Variants in SLC9A9 observed in about 807,000 individuals in gnomAD.
SLC9A9 encodes sodium/hydrogen exchanger 9.
SLC9A9 carries 62 observed loss-of-function variants against 77.8 expected under a neutral mutation model. That is an observed-to-expected ratio of 0.80 (90% CI 0.65 to 0.98). SLC9A9 has a LOEUF of 0.98. Among genes scored for constraint, SLC9A9 ranks in the 50% least tolerant of loss-of-function variants. SLC9A9 has a pLI of 0.00. For synonymous variants in SLC9A9, 320 were observed against 283.5 expected (o/e 1.13, Z -1.29); for missense variants, 775 against 774.9 (o/e 1.00, Z 0.00).
intron 6 of SLC9A9, among the ~76,000 whole-genome samples, chr3:143,617,388 C>T (rs1159706360): frequency 6.6e-6 from 1 of 152,166 alleles, no homozygotes. Flanking sequence ...AAATATTTAC[C>T]ATCTAGCCAT....
chr3:143,815,489 C>T (rs1378837688), intron 2 of SLC9A9, among the ~76,000 whole-genome samples: 3 of 151,984 alleles, frequency 2.0e-5, no homozygotes, highest in Non-Finnish European at 2.9e-5. Context: ...CTGTTTGACA[C>T]ACTGTGAAGC....
At chr3:143,472,532 A>G (rs1348431201) in intron 11 of SLC9A9, among the ~76,000 whole-genome samples, 1 of 152,158 alleles carries the variant, frequency 6.6e-6, no homozygotes, top group Non-Finnish European at 1.5e-5. Context: ...CAAATGAGAC[A>G]CTGTTTTCTC....
At chr3:143,557,510 A>G (rs1340813746) in intron 8 of SLC9A9, among the ~76,000 whole-genome samples, 1 of 152,196 alleles carries the variant, frequency 6.6e-6, no homozygotes, top group East Asian at 1.9e-4. Flanking sequence ...AGAACTTCCT[A>G]GAGACTTCAG....
At chr3:143,502,857 A>C (rs1047478474) in intron 9 of SLC9A9, among the ~76,000 whole-genome samples, 7 of 152,134 alleles carry the variant, frequency 4.6e-5, no homozygotes, top group African/African-American at 1.7e-4. Flanking sequence ...TTACTTGTAA[A>C]ATTTGTCTTT....
At chr3:143,832,692 C>T (rs2009467309) in intron 1 of SLC9A9, among the ~76,000 whole-genome samples, 1 of 150,542 alleles carries the variant, frequency 6.6e-6, no homozygotes, top group Non-Finnish European at 1.5e-5. Flanking sequence ...TCTCTCAGGA[C>T]ATGACTAAGG....
At chr3:143,705,803 T>C (rs942684868) in intron 4 of SLC9A9, among the ~76,000 whole-genome samples, 5 of 152,062 alleles carry the variant, frequency 3.3e-5, no homozygotes, top group Non-Finnish European at 5.9e-5. Flanking sequence ...GATTTAGAAA[T>C]GTTGAGATGA....
At chr3:143,387,138 G>T (rs974988794) in intron 12 of SLC9A9, among the ~76,000 whole-genome samples, 1 of 152,134 alleles carries the variant, frequency 6.6e-6, no homozygotes, top group African/African-American at 2.4e-5. Context: ...ACTGTGCCTC[G>T]CCTGGTTTGG....
chr3:143,622,327 GT>G (rs1366710105), intron 6 of SLC9A9, among the ~76,000 whole-genome samples: 8 of 152,294 alleles, frequency 5.3e-5, no homozygotes, highest in African/African-American at 1.9e-4. Flanking sequence ...ATTCACCAAA[GT>G]TGAAATGAAG....
At chr3:143,738,343 C>T (rs1934995099) in intron 4 of SLC9A9, among the ~76,000 whole-genome samples, 1 of 152,168 alleles carries the variant, frequency 6.6e-6, no homozygotes, top group Non-Finnish European at 1.5e-5. Flanking sequence ...TTCCCTCACT[C>T]TCTGGGACAC....
intron 9 of SLC9A9, among the ~76,000 whole-genome samples, chr3:143,499,210 G>A (rs1272793803): frequency 6.6e-6 from 1 of 152,006 alleles, no homozygotes; most frequent in African/African-American, 2.4e-5. Context: ...TTACCTATTG[G>A]CATTTTAGTT....
At chr3:143,355,719 G>A (rs568950184) in intron 14 of SLC9A9, among the ~76,000 whole-genome samples, 21 of 152,182 alleles carry the variant, frequency 1.4e-4, no homozygotes, top group Non-Finnish European at 2.6e-4. Context: ...CAGGTGCATC[G>A]CAAGTGCCCA....
At chr3:143,339,912 T>C (rs1015084187) in intron 14 of SLC9A9, among the ~76,000 whole-genome samples, 1 of 152,190 alleles carries the variant, frequency 6.6e-6, no homozygotes, top group Non-Finnish European at 1.5e-5. Context: ...TGGGGTGTGC[T>C]ATGTACAATT....
At chr3:143,293,626 G>C (rs1253216756) in intron 14 of SLC9A9, among the ~76,000 whole-genome samples, 2 of 152,188 alleles carry the variant, frequency 1.3e-5, no homozygotes, top group East Asian at 1.9e-4. Context: ...ACTTTCTGTT[G>C]AATATGATCT....
intron 6 of SLC9A9, among the ~76,000 whole-genome samples, chr3:143,642,489 A>T (rs1174733978): frequency 6.6e-6 from 1 of 152,236 alleles, no homozygotes; most frequent in Non-Finnish European, 1.5e-5. Context: ...GACTCTTTAA[A>T]ATTAAAAACA....
chr3:143,613,096 C>A (rs2038047833), intron 6 of SLC9A9, among the ~76,000 whole-genome samples: 1 of 152,176 alleles, frequency 6.6e-6, no homozygotes, highest in African/African-American at 2.4e-5. Context: ...TGGAAAGATA[C>A]AAAACATTTT....
chr3:143,640,847 G>T (rs58563012), intron 6 of SLC9A9, among the ~76,000 whole-genome samples: 16,531 of 152,140 alleles, frequency 0.11, 1,104 homozygotes, highest in African/African-American at 0.17. Context: ...GTGAGACCTT[G>T]TCTCAAAAAC....
chr3:143,396,564 T>A (rs1347282350), intron 12 of SLC9A9, among the ~76,000 whole-genome samples: 4 of 152,072 alleles, frequency 2.6e-5, no homozygotes, highest in African/African-American at 4.8e-5. Flanking sequence ...GCACGTTGTG[T>A]ACATGTACCC....
chr3:143,802,704 C>T (rs2008598666), intron 2 of SLC9A9, among the ~76,000 whole-genome samples: 1 of 152,138 alleles, frequency 6.6e-6, no homozygotes, highest in South Asian at 2.1e-4. Flanking sequence ...AATCCCTTAC[C>T]ATCCTCAATC....
chr3:143,606,849 T>C (rs1161975236), intron 6 of SLC9A9, among the ~76,000 whole-genome samples: 2 of 152,124 alleles, frequency 1.3e-5, no homozygotes, highest in African/African-American at 4.8e-5. Flanking sequence ...AACATATATC[T>C]GTTGCAGAAG....
Sources: allele counts gnomAD v4.1 joint callset (sites outside exome capture counted in the v4.1 genomes callset), GRCh38; gene constraint gnomAD v4.1.1; transcripts MANE v1.5; gene names NCBI Gene and HGNC (gene_info 2026-07-23, HGNC 2026-07-21).